Variants in BICC1 observed in about 807,000 individuals in gnomAD.
BICC1 encodes the protein protein bicaudal C homolog 1.
Under a neutral mutation model 111.0 loss-of-function variants are expected in BICC1, and 43 were observed. The observed-to-expected ratio is 0.39, with a 90% CI of 0.30 to 0.50. The LOEUF (loss-of-function observed/expected upper bound fraction) is 0.50, where lower values mean the gene tolerates loss of function less well. Among genes scored for constraint, BICC1 ranks in the 20% least tolerant of loss-of-function variants. The pLI, the probability that BICC1 is intolerant of heterozygous loss-of-function variation, is 0.88. For missense variants in BICC1, 1,091 were observed against 1,203.2 expected (o/e 0.91, Z 1.38); for synonymous variants, 467 against 434.4 (o/e 1.07, Z -0.93).
chr10:58,645,863 T>A (rs780558874), intron 2 of BICC1, among the ~76,000 whole-genome samples: 4 of 152,194 alleles, frequency 2.6e-5, no homozygotes, highest in Non-Finnish European at 4.4e-5. Flanking sequence ...TATTTGGTGT[T>A]CTCCTTTCTG....
At chr10:58,552,723 A>G (rs914097737) in intron 1 of BICC1, among the ~76,000 whole-genome samples, 3 of 152,310 alleles carry the variant, frequency 2.0e-5, no homozygotes, top group East Asian at 1.9e-4. Flanking sequence ...TTCTGAAACT[A>G]TCTAGCCAAG....
At chr10:58,677,445 G>A (rs890283426) in intron 2 of BICC1, among the ~76,000 whole-genome samples, 6 of 152,174 alleles carry the variant, frequency 3.9e-5, no homozygotes, top group Admixed American at 3.3e-4. Context: ...TTGGAAGAAA[G>A]GATATCGGAG....
Position 58,828,807 on chromosome 10 carries a change from C to T in BICC1, c.2841C>T (p.Arg947=). 2 of 1,613,866 alleles carry T rather than the reference C, an allele frequency of 1.2e-6. No individual in the cohort carries two copies. The part of the protein sequence containing the change: ...RRKLFESPNA[R]TSFLEGGASG... ...AGCTTTTTGAATCGCCAAATGCACG[C>T]ACCTCTTTCCTGGAAGGTGGAGCGA... The change falls in exon 21 of 21, where the codon CGC becomes CGT. Residue 947 remains arginine (R), a synonymous_variant. Coordinates refer to ENST00000373886, the MANE Select transcript of BICC1 (RefSeq NM_001080512.3).
intron 2 of BICC1, among the ~76,000 whole-genome samples, chr10:58,692,860 T>A (rs538304230): frequency 0.011 from 1,576 of 148,522 alleles, 27 homozygotes; most frequent in African/African-American, 0.036. Context: ...ATTTTTTTTT[T>A]AAATTTTATT....
chr10:58,513,354 C>T (rs754740911), intron 1 of BICC1, 21 bp downstream of exon 1: 22 of 1,578,602 alleles, frequency 1.4e-5, no homozygotes, highest in African/African-American at 1.1e-4. Flanking sequence ...CTCGTGTTCT[C>T]GGACTCTCCG....
intron 8 of BICC1, among the ~76,000 whole-genome samples, chr10:58,791,622 C>G (rs921992891): frequency 1.3e-5 from 2 of 152,002 alleles, no homozygotes; most frequent in African/African-American, 4.8e-5. Context: ...GGTCTGTAAT[C>G]CCAGCTACTC....
intron 18 of BICC1, among the ~76,000 whole-genome samples, chr10:58,817,073 G>A (rs898946254): frequency 1.3e-5 from 2 of 151,952 alleles, no homozygotes; most frequent in Non-Finnish European, 2.9e-5. Flanking sequence ...ATTTTTTAGG[G>A]AGCAGGATTT....
intron 20 of BICC1, chr10:58,823,856 A>G (rs949713333): frequency 2.7e-5 from 27 of 985,020 alleles, no homozygotes; most frequent in South Asian, 4.7e-5. Context: ...AATATATTCA[A>G]TTCTGTCTTG....
intron 2 of BICC1, among the ~76,000 whole-genome samples, chr10:58,664,847 T>C (rs1838959928): frequency 1.3e-5 from 2 of 152,188 alleles, no homozygotes; most frequent in Admixed American, 1.3e-4. Flanking sequence ...AGTGTGTCAG[T>C]AGTCAGTATT....
At chr10:58,670,794 C>G (rs1309198310) in intron 2 of BICC1, among the ~76,000 whole-genome samples, 1 of 152,134 alleles carries the variant, frequency 6.6e-6, no homozygotes, top group Non-Finnish European at 1.5e-5. Flanking sequence ...CTGAAAGCAT[C>G]CAGGTGTCCA....
intron 1 of BICC1, among the ~76,000 whole-genome samples, chr10:58,593,347 C>T (rs1011193557): frequency 6.6e-6 from 1 of 152,174 alleles, no homozygotes; most frequent in African/African-American, 2.4e-5. Flanking sequence ...CCTGACAGTT[C>T]TGAAGAGAGC....
chr10:58,528,585 C>T (rs1842604785), intron 1 of BICC1, among the ~76,000 whole-genome samples: 1 of 151,830 alleles, frequency 6.6e-6, no homozygotes, highest in Non-Finnish European at 1.5e-5. Context: ...TTTATGTTAG[C>T]TTGCTCACTG....
intron 2 of BICC1, among the ~76,000 whole-genome samples, chr10:58,681,934 G>C (rs559673623): frequency 2.1e-4 from 32 of 151,914 alleles, no homozygotes; most frequent in African/African-American, 7.5e-4. Flanking sequence ...TGTCACATAT[G>C]TATACATGTG....
chr10:58,589,745 G>A (rs932085481), intron 1 of BICC1, among the ~76,000 whole-genome samples: 9 of 152,032 alleles, frequency 5.9e-5, no homozygotes, highest in African/African-American at 1.2e-4. Flanking sequence ...AAAACAATAG[G>A]ATTACAGGCA....
chr10:58,541,186 A>G (rs1250088283), intron 1 of BICC1, among the ~76,000 whole-genome samples: 1 of 152,090 alleles, frequency 6.6e-6, no homozygotes, highest in Non-Finnish European at 1.5e-5. Flanking sequence ...TCAACATTGT[A>G]TTAAAAATTT....
chr10:58,516,086 C>T (rs1300770568), intron 1 of BICC1, among the ~76,000 whole-genome samples: 1 of 151,964 alleles, frequency 6.6e-6, no homozygotes, highest in Admixed American at 6.6e-5. Flanking sequence ...TGAAAAGTGC[C>T]AAGTAAGTAA....
At chr10:58,606,553 A>C (rs1845221850) in intron 1 of BICC1, among the ~76,000 whole-genome samples, 1 of 152,048 alleles carries the variant, frequency 6.6e-6, no homozygotes, top group Non-Finnish European at 1.5e-5. Context: ...CCTAAAACTT[A>C]AAGTATAATA....
chr10:58,649,618 A>G (rs534985175), intron 2 of BICC1, among the ~76,000 whole-genome samples: 1 of 152,272 alleles, frequency 6.6e-6, no homozygotes, highest in East Asian at 1.9e-4. Flanking sequence ...AATATTAGAG[A>G]AGCACTGGGA....
At chr10:58,729,522 A>G (rs80319224) in intron 3 of BICC1, among the ~76,000 whole-genome samples, 2,478 of 152,320 alleles carry the variant, frequency 0.016, 73 homozygotes, top group African/African-American at 0.057. Context: ...CATATCAGCA[A>G]TAAGGCTTGT....
Sources: allele counts gnomAD v4.1 joint callset (sites outside exome capture counted in the v4.1 genomes callset), GRCh38; gene constraint gnomAD v4.1.1; transcripts MANE v1.5; gene names NCBI Gene and HGNC (gene_info 2026-07-23, HGNC 2026-07-21).